COG2: variants seen among roughly 807,000 people sequenced by gnomAD.
COG2 encodes conserved oligomeric Golgi complex subunit 2.
A neutral mutation model predicts 90.6 loss-of-function variants in COG2; 52 were observed. The ratio of observed to expected loss-of-function variants is 0.57; its 90% CI spans 0.46 to 0.72. The LOEUF (loss-of-function observed/expected upper bound fraction) is 0.72. Ranked by LOEUF, COG2 falls within the 30% of genes least tolerant of loss-of-function variation. COG2 has a pLI of 0.00. For missense variants in COG2, 829 were observed against 891.2 expected (o/e 0.93, Z 0.89); for synonymous variants, 337 against 320.4 (o/e 1.05, Z -0.55).
rs571877138 is a variant in COG2 at position 230,648,541 on chromosome 1, A to C, written c.72+5863A>C. Among the ~76,000 whole-genome samples the C allele has an allele frequency of 3.3e-5, 5 of 152,400 alleles. No individual in the cohort carries two copies. In the South Asian group the frequency reaches 1.0e-3, roughly 32 times the overall value. On this transcript the variant is annotated intron_variant, in intron 1 of 17. Coordinates refer to ENST00000366669, the MANE Select transcript of COG2 (RefSeq NM_007357.3). ...GATGGTATGAGATCAGTACCATTGG[A>C]CATACACAGTTTATTCAGTTGGCCT...
intron 1 of COG2, among the ~76,000 whole-genome samples, chr1:230,654,839 T>C (rs1390549358): frequency 6.6e-6 from 1 of 152,200 alleles, no homozygotes; most frequent in Non-Finnish European, 1.5e-5. Context: ...TTCCTAGTTA[T>C]TTTATTATCT....
In COG2 at chr1:230,693,436, G is replaced by T. The variant is rs377341919; in HGVS notation, c.*43G>T. ...GAGGTTAGATTCTTAAGCAAGAGAA[G>T]AGTTGGACTTCCAGGCTGAAGGGGA... On this transcript the variant is annotated 3_prime_UTR_variant, in exon 18 of 18. Transcript: ENST00000366669. 7.8e-7 allele frequency: 1 copy of T among 1,281,772 alleles called. No individual in the cohort carries two copies. The highest frequency in any genetic ancestry group is 1.5e-5 in the African/African-American group (1 of 67,692). 79.4% of individuals were successfully genotyped at this position (1,281,772 alleles called of 1,614,324 possible).
At chr1:230,661,509 G>A (rs1245435118) in intron 3 of COG2, 2 of 152,220 alleles carry the variant, frequency 1.3e-5, no homozygotes, top group Non-Finnish European at 2.9e-5. Flanking sequence ...TGCTGTCTTA[G>A]GATTGATGAA....
At chr1:230,653,937 C>G (rs1184400756) in intron 1 of COG2, among the ~76,000 whole-genome samples, 1 of 150,338 alleles carries the variant, frequency 6.7e-6, no homozygotes, top group African/African-American at 2.4e-5. Context: ...ATGACCACTT[C>G]TTAAAGGTAT....
chr1:230,688,211 G>A (rs1662932395), intron 14 of COG2, 68 bp downstream of exon 14: 5 of 1,276,756 alleles, frequency 3.9e-6, no homozygotes, highest in Admixed American at 2.3e-5. Flanking sequence ...CTCAGAGACT[G>A]TAGGGTATAT....
chr1:230,688,213 A>G, intron 14 of COG2, 70 bp downstream of exon 14: 1 of 1,264,860 alleles, frequency 7.9e-7, no homozygotes, highest in Non-Finnish European at 1.1e-6. Flanking sequence ...CAGAGACTGT[A>G]GGGTATATTT....
At chr1:230,687,979 G>A (rs1334522499) in intron 13 of COG2, 92 bp from the exon 14 acceptor site, 28 of 810,478 alleles carry the variant, frequency 3.5e-5, no homozygotes, top group Admixed American at 2.3e-4. Flanking sequence ...CCATTCATTA[G>A]CAAATTCTAG....
At position 230,690,029 on chromosome 1, in the gene COG2, G is replaced by A; in HGVS notation, c.1810G>A (p.Ala604Thr). 2 of 1,599,186 alleles carry A rather than the reference G, an allele frequency of 1.3e-6. No homozygotes were observed. Among genetic ancestry groups the A allele is most frequent in the Non-Finnish European group, 1.7e-6 (2 of 1,173,904 alleles). ...ATCATTCCAGGAGGTCCCAACCACA[G>A]CTTCCTCCTATGTGGACAGTGCTCT... Reference protein sequence around the residue: ...RRTNKEVPTTASSYVDSALKP... With the variant: ...RRTNKEVPTTTSSYVDSALKP... Residue 604 changes from alanine (A) to threonine (T), a missense_variant, in exon 16 of 18, where the codon GCT (alanine) becomes ACT (threonine). Physicochemically the swap from Ala to Thr is moderately conservative, Grantham distance 58 (BLOSUM62 0). Transcript: ENST00000366669.
intron 5 of COG2, among the ~76,000 whole-genome samples, chr1:230,667,959 G>T (rs1662359491): frequency 6.6e-6 from 1 of 152,064 alleles, no homozygotes; most frequent in African/African-American, 2.4e-5. Context: ...ATTATATTTT[G>T]TGCCAGGTAC....
intron 1 of COG2, among the ~76,000 whole-genome samples, chr1:230,653,022 C>G (rs947546027): frequency 6.6e-6 from 1 of 151,998 alleles, no homozygotes; most frequent in African/African-American, 2.4e-5. Context: ...CGCTTAAGAT[C>G]TACTCTCTTA....
Position 230,656,778 on chromosome 1 carries a change from A to G in COG2, c.73-2686A>G, listed in dbSNP as rs188707083. ...GGGTGCTCCTGTATTGGGTGCATAT[A>G]TATTTAGGATAATTAGCTCTTGTTG... is the stretch of plus-strand genomic sequence containing the variant. On this transcript the variant is annotated intron_variant, in intron 1 of 17. Coordinates refer to ENST00000366669, the MANE Select transcript of COG2 (RefSeq NM_007357.3). 3.2e-4 allele frequency among the ~76,000 whole-genome samples: 48 copies of G among 152,280 alleles called. No individual in the cohort carries two copies. In the East Asian group the frequency reaches 5.6e-3, roughly 18 times the overall value.
rs987604771 is a variant in COG2, at chr1:230,683,753, C to T, written c.1228+118C>T. The T allele has an allele frequency of 8.6e-6, 6 of 694,626 alleles. No homozygotes were observed. In the African/African-American group the frequency reaches 9.3e-5, roughly 11 times the overall value. 43.0% of individuals were successfully genotyped at this position (694,626 alleles called of 1,614,324 possible). ...TTACTGTTTTTTTTTTTTAATCATA[C>T]AGTAAGTTGGACCTTAAAAATCACT... On this transcript the variant is annotated intron_variant, in intron 11 of 17. Transcript: ENST00000366669.
At chr1:230,674,130 G>A (rs897894459) in intron 8 of COG2, among the ~76,000 whole-genome samples, 2 of 152,114 alleles carry the variant, frequency 1.3e-5, no homozygotes, top group Non-Finnish European at 2.9e-5. Context: ...GTTTGTGAGC[G>A]ACTTAAGGAA....
At chr1:230,649,371 G>T (rs916247762) in intron 1 of COG2, among the ~76,000 whole-genome samples, 1 of 152,100 alleles carries the variant, frequency 6.6e-6, no homozygotes, top group Non-Finnish European at 1.5e-5. Flanking sequence ...CTCCAGGGAC[G>T]TTTTTGCCCA....
intron 12 of COG2, 84 bp downstream of exon 12, chr1:230,685,320 A>G (rs988917382): frequency 4.8e-5 from 68 of 1,424,768 alleles, no homozygotes; most frequent in Non-Finnish European, 6.1e-5. Flanking sequence ...AGATTTTTGT[A>G]AATACCATGA....
intron 9 of COG2, 142 bp downstream of exon 9, chr1:230,675,266 A>G: frequency 1.2e-6 from 1 of 851,076 alleles, no homozygotes; most frequent in Middle Eastern, 2.4e-4. Flanking sequence ...TAACCTTAAA[A>G]CACACACATC....
intron 5 of COG2, among the ~76,000 whole-genome samples, chr1:230,665,302 C>T (rs1662293855): frequency 6.6e-6 from 1 of 152,164 alleles, no homozygotes; most frequent in East Asian, 1.9e-4. Context: ...CTAATAGGAA[C>T]TCCACTTGCA....
At chr1:230,670,684 A>G (rs1662427026) in intron 7 of COG2, 1 of 152,062 alleles carries the variant, frequency 6.6e-6, no homozygotes, top group Admixed American at 6.6e-5. Context: ...AGGCATGATC[A>G]TGGCTCACTG....
chr1:230,691,743 G>A (rs1308957017), intron 17 of COG2, 179 bp downstream of exon 17: 8 of 569,350 alleles, frequency 1.4e-5, no homozygotes, highest in East Asian at 8.8e-5. Flanking sequence ...AGTATGAGAC[G>A]GCAATATGAG....
Sources: allele counts gnomAD v4.1 joint callset (sites outside exome capture counted in the v4.1 genomes callset), GRCh38; gene constraint gnomAD v4.1.1; transcripts MANE v1.5; gene names NCBI Gene and HGNC (gene_info 2026-07-23, HGNC 2026-07-21).